ARMC9: variants seen among roughly 807,000 people sequenced by gnomAD.
The protein encoded by ARMC9 is armadillo repeat containing 9, also known as lisH domain-containing protein ARMC9.
ARMC9 carries 94 observed loss-of-function variants against 107.0 expected under a neutral mutation model. That is an observed-to-expected ratio of 0.88 (90% CI 0.74 to 1.04). The LOEUF is 1.04. Among genes scored for constraint, ARMC9 ranks in the 50% least tolerant of loss-of-function variants. The pLI, the probability that ARMC9 is intolerant of heterozygous loss-of-function variation, is 0.00. For missense variants in ARMC9, 942 were observed against 1,030.1 expected, an observed-to-expected ratio of 0.91 and a Z score of 1.17; for synonymous variants, 380 against 396.9, an observed-to-expected ratio of 0.96 and a Z score of 0.51.
At position 231,296,055 on chromosome 2, in the gene ARMC9, G is replaced by A. The variant is rs1326754967; in HGVS notation, c.1718-143G>A. The A allele has an allele frequency of 9.7e-6, 5 of 513,954 alleles. No homozygotes were observed. The Admixed American group carries it at 1.4e-4, about 15-fold the overall frequency. The allele number at this position is 513,954 out of a possible 1,614,324, so 31.8% of individuals were successfully genotyped here. A position where few individuals can be genotyped will look rare whatever the true frequency, so the allele number is the denominator to read the frequency against. ...CTCAGACAGTGACTGAAATGGTTGT[G>A]ATTAGGATGGTTAGGAGCATGATGA... On this transcript the variant is annotated intron_variant, in intron 18 of 24. Transcript: ENST00000611582.
chr2:231,247,776 C>T (rs940922534), intron 9 of ARMC9, among the ~76,000 whole-genome samples: 3 of 152,098 alleles, frequency 2.0e-5, no homozygotes, highest in African/African-American at 4.8e-5. Context: ...ACTAAAAATA[C>T]AAAAATTAGC....
intron 21 of ARMC9, chr2:231,345,334 A>G: frequency 3.4e-6 from 2 of 590,542 alleles, no homozygotes; most frequent in South Asian, 2.3e-5. Context: ...CAGAAGACAA[A>G]TGTTGGCCAG....
At chr2:231,364,379 G>T (rs2045722871) in intron 23 of ARMC9, among the ~76,000 whole-genome samples, 1 of 152,234 alleles carries the variant, frequency 6.6e-6, no homozygotes, top group Non-Finnish European at 1.5e-5. Flanking sequence ...CAGATGAGAA[G>T]TGATTCTTTT....
At chr2:231,334,274 G>A (rs540339583) in intron 20 of ARMC9, among the ~76,000 whole-genome samples, 2 of 152,210 alleles carry the variant, frequency 1.3e-5, no homozygotes, top group Admixed American at 6.5e-5. Context: ...TTCTGTCTTC[G>A]TTTTGAAAGG....
intron 19 of ARMC9, among the ~76,000 whole-genome samples, chr2:231,300,448 A>G (rs2041650958): frequency 1.3e-5 from 2 of 152,308 alleles, no homozygotes; most frequent in South Asian, 4.1e-4. Flanking sequence ...TCCAGCCTAG[A>G]TAGGGAAGAT....
chr2:231,369,198 G>T (rs1174577914), intron 23 of ARMC9, among the ~76,000 whole-genome samples: 2 of 152,206 alleles, frequency 1.3e-5, no homozygotes, highest in African/African-American at 4.8e-5. Flanking sequence ...TGGACCCAAG[G>T]CTCCATGGCA....
At chr2:231,218,459 A>C (rs1159706359) in intron 5 of ARMC9, among the ~76,000 whole-genome samples, 11 of 152,194 alleles carry the variant, frequency 7.2e-5, no homozygotes, top group African/African-American at 2.7e-4. Flanking sequence ...TTCTGTTCCT[A>C]AGTATTCTGT....
chr2:231,293,270 T>G lies in ARMC9; in HGVS notation c.1717+1827T>G, dbSNP rs2041143191. Among the ~76,000 whole-genome samples the G allele has an allele frequency of 2.6e-5, 4 of 152,208 alleles. No homozygotes were observed. The South Asian group carries it at 8.3e-4, about 32-fold the overall frequency. On this transcript the variant is annotated intron_variant, in intron 18 of 24. Coordinates refer to ENST00000611582, the MANE Select transcript of ARMC9 (RefSeq NM_001352754.2). ...TATTGAAAAAAATAAAAATAAGACCTGAACCTCAGTGCTGCCTGAGGTTGC... is the reference window on the plus strand; with the variant it reads ...TATTGAAAAAAATAAAAATAAGACCGGAACCTCAGTGCTGCCTGAGGTTGC...
At chr2:231,364,831 GGCAGA>G (rs2045747789) in intron 23 of ARMC9, among the ~76,000 whole-genome samples, 1 of 151,814 alleles carries the variant, frequency 6.6e-6, no homozygotes, top group South Asian at 2.1e-4. Context: ...AGTGGCCCTC[GGCAGA>G]GCATCAGGGA....
intron 3 of ARMC9, among the ~76,000 whole-genome samples, chr2:231,209,015 C>T (rs56280963): frequency 0.19 from 28,469 of 151,946 alleles, 3,607 homozygotes; most frequent in East Asian, 0.53. Flanking sequence ...GATTCTCCTG[C>T]CTCACCCTCC....
chr2:231,276,650 C>A lies in ARMC9; in HGVS notation c.1349C>A (p.Thr450Lys), dbSNP rs777653108. 1 of 1,614,192 alleles carries A rather than the reference C, an allele frequency of 6.2e-7. No individual in the cohort carries two copies. The highest frequency in any genetic ancestry group is 8.5e-7 in the Non-Finnish European group (1 of 1,180,034). ...TTTCTTCCCAGGCGCCCGCTGCAGA[C>A]AGCGATGATTCAAGACGGCCTCATC... Reference protein sequence around the residue: ...QKFSLRRPLQTAMIQDGLIFW... With the variant: ...QKFSLRRPLQKAMIQDGLIFW... The change falls in exon 15 of 25, where the codon ACA (threonine) becomes AAA (lysine). Residue 450 changes from threonine to lysine, a missense_variant. Transcript: ENST00000611582.
intron 1 of ARMC9, among the ~76,000 whole-genome samples, chr2:231,200,172 G>A (rs1343389382): frequency 1.3e-5 from 2 of 152,138 alleles, no homozygotes; most frequent in Non-Finnish European, 2.9e-5. Context: ...TGTTCTAGGC[G>A]GAGAGAGTAA....
chr2:231,305,998 G>A (rs1377388754), intron 19 of ARMC9, among the ~76,000 whole-genome samples: 1 of 152,172 alleles, frequency 6.6e-6, no homozygotes, highest in Admixed American at 6.5e-5. Flanking sequence ...CAACTTAACT[G>A]ACGTTTACAC....
At chr2:231,336,488 G>T (rs547307347) in intron 20 of ARMC9, among the ~76,000 whole-genome samples, 5 of 152,210 alleles carry the variant, frequency 3.3e-5, no homozygotes, top group Admixed American at 2.0e-4. Flanking sequence ...AGCGCTGGCC[G>T]TTGTCAGGTG....
chr2:231,305,020 T>C (rs2041965548), intron 19 of ARMC9, among the ~76,000 whole-genome samples: 1 of 152,230 alleles, frequency 6.6e-6, no homozygotes, highest in South Asian at 2.1e-4. Flanking sequence ...TGCAACTTTA[T>C]CTCACAAGTC....
intron 15 of ARMC9, 35 bp downstream of exon 15, chr2:231,276,810 G>A (rs1377535746): frequency 3.1e-6 from 5 of 1,609,898 alleles, no homozygotes; most frequent in African/African-American, 2.7e-5. Context: ...GTGCAAGAAG[G>A]GGAAGAGATC....
intron 1 of ARMC9, among the ~76,000 whole-genome samples, chr2:231,204,706 G>A (rs1439990781): frequency 1.3e-5 from 2 of 151,956 alleles, no homozygotes; most frequent in Non-Finnish European, 2.9e-5. Context: ...GGGTGGTCAG[G>A]GCAAGACTCT....
intron 19 of ARMC9, among the ~76,000 whole-genome samples, chr2:231,301,069 C>T (rs549148498): frequency 4.0e-4 from 61 of 152,264 alleles, no homozygotes; most frequent in Non-Finnish European, 7.5e-4. Flanking sequence ...ACACAGAGTA[C>T]ACGGAGGTAT....
rs369080231 is a variant in ARMC9, at chr2:231,262,358, A to G, written c.1079A>G (p.Tyr360Cys). The G allele has an allele frequency of 2.4e-5, 39 of 1,614,038 alleles. No homozygotes were observed. The highest frequency in any genetic ancestry group is 2.9e-5 in the Non-Finnish European group (34 of 1,180,034). ...CAGAGGGAGACCGTTCTGCAAGCCT[A>G]CATCAGCAATGACCTCTTGGACTGT... ...GEQRETVLQAYISNDLLDCYS... is the reference protein window; with the variant it reads ...GEQRETVLQACISNDLLDCYS... The change falls in exon 12 of 25, where the codon TAC (tyrosine) becomes TGC (cysteine). Residue 360 changes from tyrosine to cysteine, a missense_variant. Coordinates refer to ENST00000611582, the MANE Select transcript of ARMC9 (RefSeq NM_001352754.2).
Sources: allele counts gnomAD v4.1 joint callset (sites outside exome capture counted in the v4.1 genomes callset), GRCh38; gene constraint gnomAD v4.1.1; transcripts MANE v1.5; gene names NCBI Gene and HGNC (gene_info 2026-07-23, HGNC 2026-07-21).